SLC12A1: variants seen among roughly 807,000 people sequenced by gnomAD.
SLC12A1 encodes solute carrier family 12 member 1, also known as Na-K-2Cl cotransporter.
SLC12A1 carries 89 observed loss-of-function variants against 130.4 expected under a neutral mutation model. That is an observed-to-expected ratio of 0.68 (90% CI 0.58 to 0.81). The LOEUF is 0.81. Among genes scored for constraint, SLC12A1 ranks in the 40% least tolerant of loss-of-function variants. The probability of loss-of-function intolerance (pLI) is 0.00; values close to 1 mark genes in which losing one functional copy is unlikely to be tolerated. For missense variants in SLC12A1, 1,310 were observed against 1,336.4 expected (o/e 0.98, Z 0.31); for synonymous variants, 499 against 460.0 (o/e 1.08, Z -1.09).
chr15:48,262,859 A>G (rs2041791254), intron 17 of SLC12A1, among the ~76,000 whole-genome samples: 1 of 152,192 alleles, frequency 6.6e-6, no homozygotes, highest in Non-Finnish European at 1.5e-5. Context: ...CAGGTTCAGC[A>G]AAAGGTAAGT....
In SLC12A1 at chr15:48,212,573, T is replaced by C. The variant is rs191136077; in HGVS notation, c.420+4434T>C. On this transcript the variant is annotated intron_variant, in intron 2 of 26. Transcript: ENST00000380993. The stretch of plus-strand genomic sequence containing the variant: ...TGCTTTCAGTATCCAGCCTAATTCC[T>C]GTGACCAACTTTTCATATCCAATTC... Among the ~76,000 whole-genome samples, 4 of 152,348 alleles carry C rather than the reference T, an allele frequency of 2.6e-5. No homozygotes were observed. In the East Asian group the frequency reaches 5.8e-4, roughly 22 times the overall value.
At chr15:48,282,557 C>T (rs184756963) in intron 20 of SLC12A1, among the ~76,000 whole-genome samples, 7 of 152,170 alleles carry the variant, frequency 4.6e-5, no homozygotes, top group African/African-American at 1.7e-4. Context: ...CAGAGGACTG[C>T]AAAGAGCAGG....
intron 4 of SLC12A1, chr15:48,222,433 C>T (rs533498759): frequency 6.6e-6 from 1 of 152,030 alleles, no homozygotes; most frequent in South Asian, 2.1e-4. Context: ...TTCTGCTAAA[C>T]AGTTTATTAT....
At chr15:48,230,645 C>G in intron 7 of SLC12A1, 142 bp downstream of exon 7, 1 of 642,362 alleles carries the variant, frequency 1.6e-6, no homozygotes, top group South Asian at 1.9e-5. Context: ...CTAGGTGGAA[C>G]ACCAAGCCTG....
At position 48,247,402 on chromosome 15, in the gene SLC12A1, T is replaced by A; in HGVS notation, c.1626T>A (p.Asn542Lys). ...QFFAKGYGKNNEPLRGYILTF... is the reference protein window; with the variant it reads ...QFFAKGYGKNKEPLRGYILTF... ...TTGCAAAGGGATATGGGAAAAACAATGAACCCCTGAGAGGATATATTCTCA... is the reference window on the plus strand; with the variant it reads ...TTGCAAAGGGATATGGGAAAAACAAAGAACCCCTGAGAGGATATATTCTCA... Residue 542 changes from asparagine (N) to lysine (K), a missense_variant, in exon 13 of 27, where the codon AAT (asparagine) becomes AAA (lysine). Coordinates refer to ENST00000380993, the MANE Select transcript of SLC12A1 (RefSeq NM_000338.3). 1 of 1,611,484 alleles carries A rather than the reference T, an allele frequency of 6.2e-7. No homozygotes were observed. The highest frequency in any genetic ancestry group is 8.5e-7 in the Non-Finnish European group (1 of 1,177,706).
At chr15:48,224,465 TAAC>T (rs2041258180) in intron 4 of SLC12A1, 1 of 152,186 alleles carries the variant, frequency 6.6e-6, no homozygotes, top group African/African-American at 2.4e-5. Flanking sequence ...TATATCATCT[TAAC>T]AACAGAACAA....
intron 9 of SLC12A1, among the ~76,000 whole-genome samples, chr15:48,238,503 G>A (rs993227597): frequency 6.6e-6 from 1 of 152,102 alleles, no homozygotes; most frequent in African/African-American, 2.4e-5. Flanking sequence ...AGAAGCAGGA[G>A]AAATCAAAAG....
rs113028454 is a variant in SLC12A1 at position 48,297,808 on chromosome 15, G to A, written c.2961-1332G>A. Among the ~76,000 whole-genome samples, 127 of 152,282 alleles carry A rather than the reference G, an allele frequency of 8.3e-4. 1 individual carries two copies. The highest frequency in any genetic ancestry group is 3.0e-3 in the African/African-American group (123 of 41,556). ...TAGCCTAGAATATCCAGGTCAAGGA[G>A]GACAATGCAAGAGCTGGAGCGAGAA... On this transcript the variant is annotated intron_variant, in intron 24 of 26. Coordinates refer to ENST00000380993, the MANE Select transcript of SLC12A1 (RefSeq NM_000338.3).
At chr15:48,225,149 A>AT (rs1177226698) in intron 4 of SLC12A1, 2 of 152,132 alleles carry the variant, frequency 1.3e-5, no homozygotes, top group African/African-American at 4.8e-5. Flanking sequence ...TTTCATTGCT[A>AT]TTTTTGGCTC....
In SLC12A1 at chr15:48,251,826, T is replaced by C. The variant is rs1321526612; in HGVS notation, c.1942+56T>C. Reference sequence around the variant, plus strand: ...CCAAATCTCTCTCTAACTACTCATTTATTAAGCATTTATTGAGCAGCTTCT... The same window carrying C: ...CCAAATCTCTCTCTAACTACTCATTCATTAAGCATTTATTGAGCAGCTTCT... On this transcript the variant is annotated intron_variant, in intron 15 of 26. Transcript: ENST00000380993. 5 of 1,508,576 alleles carry C rather than the reference T, an allele frequency of 3.3e-6. No individual in the cohort carries two copies. In the African/African-American group the frequency reaches 6.9e-5, roughly 21 times the overall value. 93.4% of individuals were successfully genotyped at this position (1,508,576 alleles called of 1,614,324 possible). A position where few individuals can be genotyped will look rare whatever the true frequency, so the allele number is the denominator to read the frequency against.
At chr15:48,249,007 G>A (rs1475773171) in intron 13 of SLC12A1, among the ~76,000 whole-genome samples, 2 of 152,180 alleles carry the variant, frequency 1.3e-5, no homozygotes, top group African/African-American at 4.8e-5. Flanking sequence ...TTGTGCCATT[G>A]CACTCCAGGG....
At chr15:48,238,454 G>C (rs775643408) in intron 9 of SLC12A1, among the ~76,000 whole-genome samples, 1 of 152,072 alleles carries the variant, frequency 6.6e-6, no homozygotes. Context: ...AGTATTAATG[G>C]TAAAAAGCAA....
At chr15:48,234,766 T>C in intron 8 of SLC12A1, 111 bp from the exon 9 acceptor site, 4 of 979,808 alleles carry the variant, frequency 4.1e-6, no homozygotes, top group Non-Finnish European at 1.5e-6. Context: ...AAAAAAAAAA[T>C]TAGAATATAG....
chr15:48,265,709 G>A (rs545090965), intron 17 of SLC12A1, among the ~76,000 whole-genome samples: 1 of 152,174 alleles, frequency 6.6e-6, no homozygotes, highest in Admixed American at 6.5e-5. Flanking sequence ...GTTTTGAAAA[G>A]TTGGCAGGTT....
chr15:48,298,320 T>C (rs1019290456), intron 24 of SLC12A1, among the ~76,000 whole-genome samples: 1 of 152,264 alleles, frequency 6.6e-6, no homozygotes, highest in Non-Finnish European at 1.5e-5. Flanking sequence ...AGTTTTACTT[T>C]GTGTCATTGT....
chr15:48,217,188 C>T (rs2041132551), intron 2 of SLC12A1, among the ~76,000 whole-genome samples: 3 of 152,076 alleles, frequency 2.0e-5, no homozygotes, highest in African/African-American at 7.2e-5. Flanking sequence ...AGTTGGGGTG[C>T]AACTATTGCT....
chr15:48,262,324 C>CG (rs1566846118), intron 17 of SLC12A1, among the ~76,000 whole-genome samples: 1 of 152,074 alleles, frequency 6.6e-6, no homozygotes, highest in Non-Finnish European at 1.5e-5. Flanking sequence ...AGGAGCAAGA[C>CG]GTAGAACTCA....
At chr15:48,243,443 G>A (rs1454256676) in intron 10 of SLC12A1, among the ~76,000 whole-genome samples, 1 of 152,124 alleles carries the variant, frequency 6.6e-6, no homozygotes, top group African/African-American at 2.4e-5. Flanking sequence ...GGATCACGAG[G>A]TCAGGAGTTC....
chr15:48,261,921 T>C (rs2041778957), intron 17 of SLC12A1, among the ~76,000 whole-genome samples: 1 of 152,178 alleles, frequency 6.6e-6, no homozygotes, highest in South Asian at 2.1e-4. Context: ...ATAATGAAAA[T>C]AGCACCTATG....
Sources: gnomAD v4.1 joint callset for allele counts (sites outside exome capture counted in the v4.1 genomes callset) on GRCh38, gnomAD v4.1.1 for gene constraint, MANE v1.5 for transcripts, NCBI Gene and HGNC (gene_info 2026-07-23, HGNC 2026-07-21) for gene names.